PAPSS2: variants seen among roughly 807,000 people sequenced by gnomAD.
PAPSS2 encodes the protein 3'-phosphoadenosine 5'-phosphosulfate synthase 2.
In PAPSS2, 61 loss-of-function variants were observed where a neutral mutation model predicts 66.5. That is an observed-to-expected ratio of 0.92 (90% CI 0.75 to 1.14). PAPSS2 has a LOEUF of 1.14. Among genes scored for constraint, PAPSS2 ranks in the 50% most tolerant of loss-of-function variants. PAPSS2 has a pLI of 0.00. For synonymous variants in PAPSS2, 289 were observed against 287.5 expected (o/e 1.01, Z -0.05); for missense variants, 708 against 789.6 (o/e 0.90, Z 1.24).
At chr10:87,743,770 C>G in intron 11 of PAPSS2, 129 bp downstream of exon 11, 1 of 1,080,258 alleles carries the variant, frequency 9.3e-7, no homozygotes. Flanking sequence ...TCTGGTGTCT[C>G]TTCTTTATCT....
chr10:87,696,718 G>T (rs1253761628), intron 1 of PAPSS2, among the ~76,000 whole-genome samples: 1 of 152,224 alleles, frequency 6.6e-6, no homozygotes, highest in Admixed American at 6.5e-5. Flanking sequence ...TAAGAAATGT[G>T]ATCACGAAGG....
At chr10:87,718,121 C>A (rs941068699) in intron 7 of PAPSS2, among the ~76,000 whole-genome samples, 2 of 151,972 alleles carry the variant, frequency 1.3e-5, no homozygotes, top group Non-Finnish European at 1.5e-5. Context: ...CAGCTCACTG[C>A]AACCTCTGCC....
At chr10:87,729,688 G>A (rs1035513063) in intron 9 of PAPSS2, among the ~76,000 whole-genome samples, 3 of 152,168 alleles carry the variant, frequency 2.0e-5, no homozygotes, top group Non-Finnish European at 4.4e-5. Flanking sequence ...AGCTTAGTGA[G>A]GAAGGCATGT....
chr10:87,743,320 G>T (rs1589444999), intron 10 of PAPSS2, 53 bp from the exon 11 acceptor site: 1 of 1,578,208 alleles, frequency 6.3e-7, no homozygotes, highest in East Asian at 2.2e-5. Context: ...TTCTTGTGGA[G>T]AAATGACACC....
At chr10:87,731,357 T>C (rs568295694) in intron 9 of PAPSS2, among the ~76,000 whole-genome samples, 40 of 152,226 alleles carry the variant, frequency 2.6e-4, no homozygotes, top group Non-Finnish European at 4.6e-4. Context: ...TCACTGCTAA[T>C]TGACAGTGCA....
intron 1 of PAPSS2, chr10:87,703,661 G>T (rs892819928): frequency 2.0e-6 from 1 of 506,986 alleles, no homozygotes; most frequent in South Asian, 1.4e-5. Context: ...CAAATCAGCC[G>T]TGAAGCAGGT....
chr10:87,742,743 C>G (rs1853885022), intron 10 of PAPSS2, among the ~76,000 whole-genome samples: 1 of 152,212 alleles, frequency 6.6e-6, no homozygotes, highest in Non-Finnish European at 1.5e-5. Flanking sequence ...TCTAGGCTTC[C>G]TGGTACAAGA....
intron 4 of PAPSS2, 41 bp from the exon 5 acceptor site, chr10:87,714,704 G>T (rs760741511): frequency 9.1e-7 from 1 of 1,098,602 alleles, no homozygotes; most frequent in Non-Finnish European, 1.4e-6. Flanking sequence ...AGATTATTCT[G>T]TCAATACAGA....
intron 1 of PAPSS2, among the ~76,000 whole-genome samples, chr10:87,684,698 G>T (rs1040036719): frequency 1.3e-5 from 2 of 152,170 alleles, no homozygotes; most frequent in Non-Finnish European, 1.5e-5. Flanking sequence ...CCACTGATGG[G>T]CAGTTGGGTG....
chr10:87,665,664 G>C (rs985295881), intron 1 of PAPSS2, among the ~76,000 whole-genome samples: 3 of 152,226 alleles, frequency 2.0e-5, no homozygotes, highest in Non-Finnish European at 4.4e-5. Flanking sequence ...GTCTCTCTGA[G>C]TGGGAGGTAG....
intron 2 of PAPSS2, 102 bp downstream of exon 2, chr10:87,709,415 A>G (rs1390555984): frequency 2.3e-5 from 17 of 724,822 alleles, no homozygotes; most frequent in Non-Finnish European, 3.9e-5. Context: ...TTGTTTTATC[A>G]TTAGAAGGAG....
intron 1 of PAPSS2, 134 bp downstream of exon 1, chr10:87,660,142 G>A (rs545307476): frequency 6.7e-6 from 6 of 889,036 alleles, no homozygotes; most frequent in African/African-American, 6.6e-5. Flanking sequence ...AGTGGGGCAC[G>A]GAGGGAAGCA....
At chr10:87,672,128 A>T (rs1852886016) in intron 1 of PAPSS2, among the ~76,000 whole-genome samples, 1 of 152,206 alleles carries the variant, frequency 6.6e-6, no homozygotes, top group Non-Finnish European at 1.5e-5. Flanking sequence ...ACATAAAGAA[A>T]TGAGGTAAAT....
At chr10:87,735,922 A>G (rs1351411291) in intron 9 of PAPSS2, among the ~76,000 whole-genome samples, 5 of 152,202 alleles carry the variant, frequency 3.3e-5, no homozygotes, top group Admixed American at 6.5e-5. Context: ...TCTGGCCATA[A>G]TGGGGACTGT....
chr10:87,742,521 T>C (rs1589444720), intron 10 of PAPSS2, among the ~76,000 whole-genome samples: 1 of 152,340 alleles, frequency 6.6e-6, no homozygotes. Context: ...TCTCAAGTTT[T>C]TCATTATAAT....
chr10:87,709,401 A>G (rs1055018745), intron 2 of PAPSS2, 88 bp downstream of exon 2: 18 of 811,654 alleles, frequency 2.2e-5, no homozygotes, highest in South Asian at 1.5e-4. Context: ...AACGTATTAC[A>G]TGCTTGTTTT....
chr10:87,703,814 A>G (rs773754568), intron 1 of PAPSS2: 133 of 518,688 alleles, frequency 2.6e-4, no homozygotes, highest in Non-Finnish European at 4.5e-4. Flanking sequence ...GAAGTATGCC[A>G]CTAACTTTGG....
At chr10:87,740,903 A>G (rs1026679174) in intron 9 of PAPSS2, among the ~76,000 whole-genome samples, 2 of 152,222 alleles carry the variant, frequency 1.3e-5, no homozygotes, top group Admixed American at 6.5e-5. Flanking sequence ...TAAAAATGTT[A>G]TATATGTTAA....
intron 2 of PAPSS2, among the ~76,000 whole-genome samples, chr10:87,710,252 A>G (rs971675474): frequency 2.0e-5 from 3 of 152,100 alleles, no homozygotes; most frequent in Admixed American, 6.5e-5. Flanking sequence ...AACTGGCCTC[A>G]TTCTTGTACT....
Sources: allele counts gnomAD v4.1 joint callset (sites outside exome capture counted in the v4.1 genomes callset), GRCh38; gene constraint gnomAD v4.1.1; transcripts MANE v1.5; gene names NCBI Gene and HGNC (gene_info 2026-07-23, HGNC 2026-07-21).